The following FMO1 variants were observed in gnomAD, a reference collection of about 807,000 sequenced individuals.
The protein encoded by FMO1 is flavin-containing monooxygenase 1.
A neutral mutation model predicts 45.4 loss-of-function variants in FMO1; 36 were observed. That is an observed-to-expected ratio of 0.79 (90% confidence interval 0.61 to 1.05). The LOEUF is 1.05. FMO1 is among the 50% of genes least tolerant of loss of function. FMO1 has a pLI of 0.00. For missense variants in FMO1, 615 were observed against 640.3 expected, an observed-to-expected ratio of 0.96 and a Z score of 0.43; for synonymous variants, 228 against 227.2, an observed-to-expected ratio of 1.00 and a Z score of -0.03.
Position 171,254,296 on chromosome 1 carries a change from G to T in FMO1, c.-6-3786G>T, listed in dbSNP as rs567798949. On this transcript the variant is annotated intron_variant, in intron 1 of 8. Transcript: ENST00000617670. ...GGTAGAGACAGGGTTTCACCATGTT[G>T]GCCAGCTGGTTTCGAACTTCTGACC... is the stretch of plus-strand genomic sequence containing the variant. 3.1e-4 allele frequency among the ~76,000 whole-genome samples: 47 copies of T among 152,140 alleles called. 1 individual carries two copies. The South Asian group carries it at 8.9e-3, about 29-fold the overall frequency.
chr1:171,263,941 A>G (rs1158405900), intron 2 of FMO1, among the ~76,000 whole-genome samples: 2 of 152,182 alleles, frequency 1.3e-5, no homozygotes, highest in Non-Finnish European at 2.9e-5. Context: ...CCCTGTATAT[A>G]TGCTAAATAC....
In FMO1 at chr1:171,278,808, T is replaced by C. The variant is rs1661225991; in HGVS notation, c.564T>C (p.Leu188=). 6.2e-7 allele frequency: 1 copy of C among 1,613,148 alleles called. No homozygotes were observed. Among genetic ancestry groups the C allele is most frequent in the African/African-American group, 1.3e-5 (1 of 75,018 alleles). Residue 188 remains leucine (L), a synonymous_variant, in exon 5 of 9, where the codon CTT becomes CTC. Coordinates refer to ENST00000617670, the MANE Select transcript of FMO1 (RefSeq NM_001282693.2). ...HPDIFKDKRV[L]VIGMGNSGTD... ...ATATATTTAAGGACAAGAGAGTCCT[T>C]GTGATTGGAATGGGAAATTCTGGCA...
chr1:171,254,610 CAAT>C (rs1660067330), intron 1 of FMO1, among the ~76,000 whole-genome samples: 1 of 152,138 alleles, frequency 6.6e-6, no homozygotes, highest in Non-Finnish European at 1.5e-5. Flanking sequence ...AGTTCATCAA[CAAT>C]GTCTTATGGA....
chr1:171,274,634 A>G (rs964331678), intron 3 of FMO1, among the ~76,000 whole-genome samples: 1 of 152,222 alleles, frequency 6.6e-6, no homozygotes, highest in Non-Finnish European at 1.5e-5. Flanking sequence ...ATTAAGAGGG[A>G]CTTAAGAAGC....
intron 3 of FMO1, among the ~76,000 whole-genome samples, chr1:171,269,442 G>GT (rs1249904312): frequency 6.6e-6 from 1 of 151,990 alleles, no homozygotes; most frequent in Non-Finnish European, 1.5e-5. Context: ...CTCTTGTTTG[G>GT]TTTTTTGTTT....
At chr1:171,272,902 G>C (rs372736123) in intron 3 of FMO1, among the ~76,000 whole-genome samples, 11 of 152,316 alleles carry the variant, frequency 7.2e-5, no homozygotes, top group Admixed American at 3.9e-4. Context: ...AAGACCTTGG[G>C]GGGGAACTGT....
rs28384860 is a variant in FMO1 at position 171,258,909 on chromosome 1, C to T, written c.132+690C>T. 7.3e-3 allele frequency among the ~76,000 whole-genome samples: 1,115 copies of T among 152,220 alleles called. 16 individuals are homozygous for T. Among genetic ancestry groups the T allele is most frequent in the African/African-American group, 0.024 (1,000 of 41,528 alleles). ...CACCCTTGCCTGGCCTGGGGCCCCACGAGATCACAAGGGCCCTTCTTAAAG... is the reference window on the plus strand; with the variant it reads ...CACCCTTGCCTGGCCTGGGGCCCCATGAGATCACAAGGGCCCTTCTTAAAG... On this transcript the variant is annotated intron_variant, in intron 2 of 8. Transcript: ENST00000617670.
chr1:171,249,714 TGA>T (rs1005502713), intron 1 of FMO1, among the ~76,000 whole-genome samples: 21 of 151,708 alleles, frequency 1.4e-4, no homozygotes, highest in African/African-American at 4.4e-4. Flanking sequence ...TGTGTGTGTG[TGA>T]GAGAGAGAGA....
At chr1:171,273,753 G>A (rs1660975630) in intron 3 of FMO1, among the ~76,000 whole-genome samples, 1 of 152,174 alleles carries the variant, frequency 6.6e-6, no homozygotes, top group Admixed American at 6.5e-5. Flanking sequence ...CTGAGCTCAA[G>A]CTATCCTCCT....
intron 2 of FMO1, among the ~76,000 whole-genome samples, chr1:171,265,073 T>C (rs1660559351): frequency 6.6e-6 from 1 of 152,046 alleles, no homozygotes; most frequent in South Asian, 2.1e-4. Context: ...TTCCAATTAA[T>C]TGTAGACTGT....
intron 1 of FMO1, among the ~76,000 whole-genome samples, chr1:171,250,454 G>A (rs541139269): frequency 1.4e-4 from 21 of 152,276 alleles, no homozygotes; most frequent in South Asian, 4.1e-4. Flanking sequence ...TCAGAGTGCC[G>A]CTGCAGTTTG....
intron 2 of FMO1, among the ~76,000 whole-genome samples, chr1:171,259,110 G>A (rs559872674): frequency 6.6e-6 from 1 of 152,328 alleles, no homozygotes; most frequent in East Asian, 1.9e-4. Flanking sequence ...GTGAAAAGAA[G>A]CAAGGTATCA....
chr1:171,264,335 T>C (rs28360373), intron 2 of FMO1, among the ~76,000 whole-genome samples: 2,153 of 147,916 alleles, frequency 0.015, 47 homozygotes, highest in African/African-American at 0.045. Context: ...TATATATATA[T>C]ACACACACAC....
chr1:171,267,391 T>A (rs28360381), intron 2 of FMO1, 152 bp from the exon 3 acceptor site: 27 of 523,528 alleles, frequency 5.2e-5, no homozygotes, highest in African/African-American at 4.8e-4. Context: ...CAATTGTCCA[T>A]CATTCAAATA....
At chr1:171,269,000 C>G (rs1206254305) in intron 3 of FMO1, among the ~76,000 whole-genome samples, 1 of 152,180 alleles carries the variant, frequency 6.6e-6, no homozygotes, top group African/African-American at 2.4e-5. Context: ...CAAGCTCTCT[C>G]TCTGCTTGCT....
At chr1:171,277,072 T>A (rs187502469) in intron 4 of FMO1, among the ~76,000 whole-genome samples, 9 of 152,280 alleles carry the variant, frequency 5.9e-5, no homozygotes, top group African/African-American at 2.2e-4. Context: ...ACCCATCTTA[T>A]CTACCACTGT....
chr1:171,284,181 A>C lies in FMO1; in HGVS notation c.1256+965A>C, dbSNP rs529099758. Among the ~76,000 whole-genome samples the C allele has an allele frequency of 8.8e-5, 13 of 147,348 alleles. No individual in the cohort carries two copies. In the South Asian group the frequency reaches 1.3e-3, roughly 14 times the overall value. On this transcript the variant is annotated intron_variant, in intron 8 of 8. Transcript: ENST00000617670. ...GAAATAAAGGTTCTGTGGCAAAAAA[A>C]AAAAAACAAAAAACAGCAAGTTTTA...
chr1:171,254,640 G>A (rs1469021150), intron 1 of FMO1, among the ~76,000 whole-genome samples: 1 of 152,102 alleles, frequency 6.6e-6, no homozygotes, highest in Non-Finnish European at 1.5e-5. Context: ...ACTGTCGTTG[G>A]TCTAGCACTC....
chr1:171,274,108 C>A (rs1412863873), intron 3 of FMO1, among the ~76,000 whole-genome samples: 4 of 148,900 alleles, frequency 2.7e-5, no homozygotes, highest in Non-Finnish European at 4.4e-5. Context: ...GAGATTGCAC[C>A]ACTGCACTCC....
Sources: allele counts gnomAD v4.1 joint callset (sites outside exome capture counted in the v4.1 genomes callset), GRCh38; gene constraint gnomAD v4.1.1; transcripts MANE v1.5; gene names NCBI Gene and HGNC (gene_info 2026-07-23, HGNC 2026-07-21).